Variants in MOBP observed in about 807,000 individuals in gnomAD.
The protein encoded by MOBP is myelin associated oligodendrocyte basic protein.
MOBP carries 5 observed loss-of-function variants against 15.0 expected under a neutral mutation model. The observed-to-expected ratio is 0.33, with a 90% CI of 0.17 to 0.70. The LOEUF (loss-of-function observed/expected upper bound fraction) is 0.70. MOBP is among the 30% of genes least tolerant of loss of function. MOBP has a pLI of 0.67. For missense variants in MOBP, 188 were observed against 257.8 expected, an observed-to-expected ratio of 0.73 and a Z score of 1.85; for synonymous variants, 88 against 99.0, an observed-to-expected ratio of 0.89 and a Z score of 0.66.
rs533785650 is a variant in MOBP at position 39,502,855 on chromosome 3, C to T, written c.527C>T (p.Pro176Leu). The T allele has an allele frequency of 1.5e-5, 21 of 1,424,916 alleles. No individual in the cohort carries two copies. Among genetic ancestry groups the T allele is most frequent in the Middle Eastern group, 3.5e-4 (2 of 5,666 alleles). The allele number at this position is 1,424,916 out of a possible 1,614,324, so 88.3% of individuals were successfully genotyped here. ...RGPGASRGGS[P>L]VKASRFW ...CCAGGCGCCAGCCGTGGGGGGTCCC[C>T]CGTCAAAGCTTCTAGGTTCTGGTAA... Residue 176 changes from proline (P) to leucine (L), a missense_variant, in exon 4 of 4, where the codon CCC becomes CTC. By Grantham distance (98) the Pro-to-Leu change is moderately conservative. Transcript: ENST00000684792. This position sits in a 1 kb window ranked among gnomAD's most constrained non-coding sequence, Gnocchi z 6.3.
intron 3 of MOBP, among the ~76,000 whole-genome samples, chr3:39,523,987 A>C (rs1457548356): frequency 6.6e-6 from 1 of 152,226 alleles, no homozygotes; most frequent in Non-Finnish European, 1.5e-5. Context: ...CTGATGGCTA[A>C]GAAAAAAATT....
intron 4 of MOBP, among the ~76,000 whole-genome samples, chr3:39,510,392 G>T (rs541648301): frequency 6.6e-6 from 1 of 152,246 alleles, no homozygotes; most frequent in African/African-American, 2.4e-5. Flanking sequence ...AAGGAGCTGT[G>T]TTGACCTTAT....
intron 4 of MOBP, among the ~76,000 whole-genome samples, chr3:39,511,881 A>T (rs974716181): frequency 1.3e-5 from 2 of 152,210 alleles, no homozygotes; most frequent in Non-Finnish European, 2.9e-5. Context: ...ATGGAAAAAA[A>T]AAGGCATGAA....
At chr3:39,498,406 A>G (rs751854469) in intron 2 of MOBP, among the ~76,000 whole-genome samples, 2 of 152,050 alleles carry the variant, frequency 1.3e-5, no homozygotes, top group Non-Finnish European at 2.9e-5. Context: ...GCTGGAGTGC[A>G]GTGGCGCGAC....
rs1381532233 is a variant in MOBP, at chr3:39,502,789, A to G, written c.461A>G (p.Gln154Arg). 5.2e-6 allele frequency: 8 copies of G among 1,535,308 alleles called. No homozygotes were observed. The highest frequency in any genetic ancestry group is 1.4e-5 in the African/African-American group (1 of 72,976). ...RPPPAKQRPP[Q>R]KSKQQPRSSP... ...CCGCCAGCCAAGCAGCGTCCCCCTC[A>G]GAAGTCCAAGCAACAGCCGCGCAGC... Residue 154 changes from glutamine to arginine, a missense_variant, in exon 4 of 4, where the codon CAG becomes CGG. By Grantham distance (43) the Gln-to-Arg change is conservative. Transcript: ENST00000684792. The surrounding 1 kb of genome is among the most constrained non-coding windows in gnomAD (Gnocchi z 6.3).
downstream of MOBP, among the ~76,000 whole-genome samples, chr3:39,520,101 T>C (rs1367884557): frequency 6.6e-6 from 1 of 152,116 alleles, no homozygotes; most frequent in Non-Finnish European, 1.5e-5. Flanking sequence ...TCTCCAGATC[T>C]TGTCCCTGGC....
At chr3:39,490,929 A>G (rs758425478) in intron 2 of MOBP, among the ~76,000 whole-genome samples, 1 of 152,168 alleles carries the variant, frequency 6.6e-6, no homozygotes, top group Admixed American at 6.5e-5. Context: ...TTGAGAAATT[A>G]CAGCCATGTA....
downstream of MOBP, among the ~76,000 whole-genome samples, chr3:39,518,793 T>A (rs59646956): frequency 1.9e-3 from 295 of 152,278 alleles, no homozygotes; most frequent in African/African-American, 6.1e-3. Context: ...GATCAAAGGG[T>A]AAAGTTTTTC....
chr3:39,515,466 G>A (rs1038239915), exon 5 of MOBP: 3 of 152,222 alleles, frequency 2.0e-5, no homozygotes, highest in Non-Finnish European at 4.4e-5. Context: ...CTACTTAGGA[G>A]GCCAGTGGAA....
At chr3:39,503,386 G>T (rs1162936593), downstream of MOBP, among the ~76,000 whole-genome samples, 1 of 152,126 alleles carries the variant, frequency 6.6e-6, no homozygotes, top group Non-Finnish European at 1.5e-5. Flanking sequence ...TTGATGTGCT[G>T]GGGGAAGGGA....
At position 39,468,803 on chromosome 3, in the gene MOBP, CAT is replaced by C. The variant is rs915365158; in HGVS notation, c.-89+1066_-89+1067del. On this transcript the variant is annotated intron_variant, in intron 1 of 3. Coordinates refer to ENST00000684792, the MANE Select transcript of MOBP (RefSeq NM_001393704.1). Reference sequence around the variant, plus strand: ...ATATATACATGTGTGTGTATATATACATATGTGTGTGTATACATATTACATAT... The same window carrying C: ...ATATATACATGTGTGTGTATATATACATGTGTGTGTATACATATTACATAT... 3.4e-5 allele frequency among the ~76,000 whole-genome samples: 3 copies of C among 87,148 alleles called. 1 individual carries two copies. The highest frequency in any genetic ancestry group is 5.3e-4 in the East Asian group (2 of 3,762). The allele number at this position is 87,148 out of a possible 152,430, so 57.2% of individuals were successfully genotyped here.
exon 5 of MOBP, chr3:39,513,430 G>A (rs1373009933): frequency 6.2e-7 from 1 of 1,613,844 alleles, no homozygotes; most frequent in Non-Finnish European, 8.5e-7. Flanking sequence ...TGACCAAGGA[G>A]GAGTTTAAAC....
intron 1 of MOBP, among the ~76,000 whole-genome samples, chr3:39,471,132 T>A (rs2042463210): frequency 1.7e-4 from 1 of 5,726 alleles, no homozygotes; most frequent in South Asian, 4.9e-3. Flanking sequence ...AAGAAAAGTC[T>A]TTTTTTTTTT....
At chr3:39,471,542 T>C (rs2042469978) in intron 1 of MOBP, among the ~76,000 whole-genome samples, 1 of 152,166 alleles carries the variant, frequency 6.6e-6, no homozygotes, top group Non-Finnish European at 1.5e-5. Flanking sequence ...ACCTTAACAA[T>C]TCAATTACAC....
chr3:39,469,403 TG>T (rs2042435511), intron 1 of MOBP, among the ~76,000 whole-genome samples: 2 of 151,304 alleles, frequency 1.3e-5, no homozygotes, highest in African/African-American at 4.9e-5. Flanking sequence ...TTATTTTAAT[TG>T]GAATTAATTA....
intron 1 of MOBP, among the ~76,000 whole-genome samples, chr3:39,472,290 G>T (rs1044493389): frequency 1.3e-5 from 2 of 152,150 alleles, no homozygotes; most frequent in African/African-American, 4.8e-5. Context: ...AAACTTAAAT[G>T]CAGGGCAGTT....
chr3:39,478,329 A>T (rs2042571203), intron 1 of MOBP, among the ~76,000 whole-genome samples: 1 of 152,222 alleles, frequency 6.6e-6, no homozygotes, highest in South Asian at 2.1e-4. Flanking sequence ...GTACAGTTAC[A>T]TACTGTGCAG....
intron 2 of MOBP, among the ~76,000 whole-genome samples, chr3:39,493,385 C>CTT (rs535210617): frequency 2.8e-5 from 4 of 144,990 alleles, no homozygotes; most frequent in African/African-American, 1.0e-4. Context: ...TTCACAAAAT[C>CTT]TTTTTTTTTT....
At chr3:39,484,026 C>T (rs1213404309) in intron 2 of MOBP, among the ~76,000 whole-genome samples, 1 of 152,306 alleles carries the variant, frequency 6.6e-6, no homozygotes, top group Admixed American at 6.5e-5. Flanking sequence ...GACAGAAACT[C>T]TGTCCTCAAA....
Sources: allele counts gnomAD v4.1 joint callset (sites outside exome capture counted in the v4.1 genomes callset), GRCh38; gene constraint gnomAD v4.1.1; non-coding constraint Gnocchi (gnomAD v3.1); transcripts MANE v1.5; gene names NCBI Gene and HGNC (gene_info 2026-07-23, HGNC 2026-07-21).